TCERG1L: variants seen among roughly 807,000 people sequenced by gnomAD.
The protein encoded by TCERG1L is transcription elongation regulator 1-like protein.
A neutral mutation model predicts 56.3 loss-of-function variants in TCERG1L; 37 were observed. That is an observed-to-expected ratio of 0.66 (90% CI 0.51 to 0.87). The LOEUF (loss-of-function observed/expected upper bound fraction) is 0.87. Ranked by LOEUF, TCERG1L falls within the 40% of genes least tolerant of loss-of-function variation. The probability of loss-of-function intolerance (pLI) is 0.00; values close to 1 mark genes in which losing one functional copy is unlikely to be tolerated. For synonymous variants in TCERG1L, 324 were observed against 326.3 expected (o/e 0.99, Z 0.08); for missense variants, 799 against 774.2 (o/e 1.03, Z -0.38).
chr10:131,285,524 G>GAAAA (rs1371505187), intron 3 of TCERG1L, among the ~76,000 whole-genome samples: 1 of 18,882 alleles, frequency 5.3e-5, no homozygotes. Flanking sequence ...AAGAAAGAAA[G>GAAAA]AGAGAAAGAA....
chr10:131,271,313 CA>C (rs1846337999), intron 3 of TCERG1L, among the ~76,000 whole-genome samples: 1 of 152,216 alleles, frequency 6.6e-6, no homozygotes, highest in Non-Finnish European at 1.5e-5. Flanking sequence ...GCCGGCTCAG[CA>C]CACCCACACG....
chr10:131,205,890 C>T lies in TCERG1L; in HGVS notation c.857-39005G>A, dbSNP rs377546390. 6.9e-4 allele frequency among the ~76,000 whole-genome samples: 105 copies of T among 152,278 alleles called. No individual in the cohort carries two copies. In the East Asian group the frequency reaches 0.012, roughly 18 times the overall value. On this transcript the variant is annotated intron_variant, in intron 4 of 11. Transcript: ENST00000368642. ...GAGTTGGGAAGCTACGACAGAGGGC[C>T]GAGGTGGTGACTGCCCTCCACCTGG...
chr10:131,273,458 T>C (rs144822114), intron 3 of TCERG1L, among the ~76,000 whole-genome samples: 3,471 of 152,172 alleles, frequency 0.023, 62 homozygotes, highest in Non-Finnish European at 0.034. Flanking sequence ...GGAGCCTGAA[T>C]CTCTGCCACA....
chr10:131,221,365 A>G (rs1199974828), intron 4 of TCERG1L, among the ~76,000 whole-genome samples: 1 of 152,240 alleles, frequency 6.6e-6, no homozygotes, highest in African/African-American at 2.4e-5. Context: ...TGTTTTCTAC[A>G]GAAATCTCCA....
At position 131,291,781 on chromosome 10, in the gene TCERG1L, T is replaced by TA. The variant is rs200688300; in HGVS notation, c.670+16429dup. Reference sequence around the variant, plus strand: ...TTCCCATCCAAGACCATAGTAACTGTAAAAAAAAAAAATTACTTCTCAGAA... The same window carrying TA: ...TTCCCATCCAAGACCATAGTAACTGTAAAAAAAAAAAAATTACTTCTCAGAA... On this transcript the variant is annotated intron_variant, in intron 3 of 11. Coordinates refer to ENST00000368642, the MANE Select transcript of TCERG1L (RefSeq NM_174937.4). 2.8e-3 allele frequency among the ~76,000 whole-genome samples: 406 copies of TA among 146,192 alleles called. 2 individuals carry two copies. The highest frequency in any genetic ancestry group is 0.013 in the East Asian group (66 of 5,024).
intron 4 of TCERG1L, among the ~76,000 whole-genome samples, chr10:131,233,062 G>C (rs1845869151): frequency 6.6e-6 from 1 of 152,216 alleles, no homozygotes; most frequent in Non-Finnish European, 1.5e-5. Flanking sequence ...AACTCCCTGA[G>C]GGAGAACTGT....
intron 4 of TCERG1L, among the ~76,000 whole-genome samples, chr10:131,209,357 A>G (rs138147473): frequency 2.5e-4 from 38 of 152,362 alleles, no homozygotes; most frequent in African/African-American, 9.1e-4. Flanking sequence ...GTCATTAAAT[A>G]GAAACGTGGA....
intron 4 of TCERG1L, among the ~76,000 whole-genome samples, chr10:131,253,137 G>C (rs548138306): frequency 6.6e-6 from 1 of 152,220 alleles, no homozygotes; most frequent in Non-Finnish European, 1.5e-5. Context: ...GGACCCAGCT[G>C]AAGTTAGCCA....
intron 3 of TCERG1L, among the ~76,000 whole-genome samples, chr10:131,285,512 G>GA (rs1263904359): frequency 0.057 from 935 of 16,502 alleles, 50 homozygotes; most frequent in Admixed American, 0.085. Context: ...AAGAAAGAAA[G>GA]AAAGAAAGAA....
At position 131,291,401 on chromosome 10, in the gene TCERG1L, C is replaced by CTTTTTTTTTTTTTTTTTTTTTTTTTTT. The variant is rs71009957; in HGVS notation, c.670+16783_670+16809dup. ...TGTGTATATTCCATAAACAGCATTTCTTTTTTTTTTTTTTTTTTTTTTTTT... is the reference window on the plus strand; with the variant it reads ...TGTGTATATTCCATAAACAGCATTTCTTTTTTTTTTTTTTTTTTTTTTTTTTTTTTTTTTTTTTTTTTTTTTTTTTTT... On this transcript the variant is annotated intron_variant, in intron 3 of 11. Transcript: ENST00000368642. Among the ~76,000 whole-genome samples the CTTTTTTTTTTTTTTTTTTTTTTTTTTT allele has an allele frequency of 1.9e-4, 7 of 36,596 alleles. 2 individuals carry two copies. Among genetic ancestry groups the CTTTTTTTTTTTTTTTTTTTTTTTTTTT allele is most frequent in the East Asian group, 1.1e-3 (1 of 910 alleles). 24.0% of individuals were successfully genotyped at this position (36,596 alleles called of 152,430 possible).
At position 131,311,518 on chromosome 10, in the gene TCERG1L, C is replaced by G; in HGVS notation, c.118G>C (p.Val40Leu). Reference sequence around the variant, plus strand: ...CCGGCCGAGCCCGGCACCATCCAGACCCAGGGCGGCGGCGGCGGCGGCTCT... The same window carrying G: ...CCGGCCGAGCCCGGCACCATCCAGAGCCAGGGCGGCGGCGGCGGCGGCTCT... ...DAEPPPPPPW[V>L]WMVPGSAGLL... Residue 40 changes from valine (V) to leucine (L), a missense_variant, in exon 1 of 12, where the codon GTC (valine) becomes CTC (leucine). By Grantham distance (32) the Val-to-Leu change is conservative. Coordinates refer to ENST00000368642, the MANE Select transcript of TCERG1L (RefSeq NM_174937.4). This position sits in a 1 kb window ranked among gnomAD's most constrained non-coding sequence, Gnocchi z 4.0. 8.3e-7 allele frequency: 1 copy of G among 1,202,024 alleles called. No homozygotes were observed. The allele number at this position is 1,202,024 out of a possible 1,614,324, so 74.5% of individuals were successfully genotyped here.
At chr10:131,180,270 G>C (rs1292456928) in intron 4 of TCERG1L, among the ~76,000 whole-genome samples, 2 of 152,234 alleles carry the variant, frequency 1.3e-5, no homozygotes, top group Non-Finnish European at 2.9e-5. Context: ...CTCACAGGCA[G>C]GGGCGAGTGA....
intron 7 of TCERG1L, among the ~76,000 whole-genome samples, chr10:131,139,358 T>C (rs969888453): frequency 6.6e-6 from 1 of 152,152 alleles, no homozygotes; most frequent in Admixed American, 6.5e-5. Context: ...CAGATGTCCA[T>C]CCAAGAGGAG....
chr10:131,242,625 GT>G (rs1646175861), intron 4 of TCERG1L, among the ~76,000 whole-genome samples: 1 of 152,156 alleles, frequency 6.6e-6, no homozygotes, highest in Non-Finnish European at 1.5e-5. Context: ...AGATTTCAGG[GT>G]TTTTTTCCAG....
At chr10:131,147,445 C>G (rs1160745265) in intron 6 of TCERG1L, among the ~76,000 whole-genome samples, 2 of 152,178 alleles carry the variant, frequency 1.3e-5, no homozygotes, top group African/African-American at 4.8e-5. Flanking sequence ...ACACTCTGAC[C>G]CCGCGCTGTC....
At chr10:131,292,360 T>C (rs897834993) in intron 3 of TCERG1L, among the ~76,000 whole-genome samples, 5 of 152,270 alleles carry the variant, frequency 3.3e-5, no homozygotes, top group Non-Finnish European at 7.3e-5. Context: ...CTATTGTCAC[T>C]GCCTTTCATA....
At chr10:131,135,398 G>A (rs892195966) in intron 7 of TCERG1L, among the ~76,000 whole-genome samples, 2 of 152,204 alleles carry the variant, frequency 1.3e-5, no homozygotes, top group African/African-American at 4.8e-5. Flanking sequence ...CTCAGGATGA[G>A]CCCAGAGTTG....
intron 4 of TCERG1L, among the ~76,000 whole-genome samples, chr10:131,217,945 C>T (rs1018532139): frequency 6.6e-6 from 1 of 152,046 alleles, no homozygotes; most frequent in Admixed American, 6.5e-5. Context: ...AGGATGGTCT[C>T]GATCTCCTGA....
intron 7 of TCERG1L, among the ~76,000 whole-genome samples, chr10:131,140,803 T>A (rs1459378718): frequency 6.6e-6 from 1 of 152,052 alleles, no homozygotes; most frequent in South Asian, 2.1e-4. Context: ...GCAAGGCACA[T>A]GACTCAGGGC....
Sources: allele counts gnomAD v4.1 joint callset (sites outside exome capture counted in the v4.1 genomes callset), GRCh38; gene constraint gnomAD v4.1.1; non-coding constraint Gnocchi (gnomAD v3.1); transcripts MANE v1.5; gene names NCBI Gene and HGNC (gene_info 2026-07-23, HGNC 2026-07-21).